The following LRRN2 variants were observed in gnomAD, a reference collection of about 807,000 sequenced individuals.
The protein encoded by LRRN2 is leucine-rich repeat neuronal protein 2.
A neutral mutation model predicts 35.7 loss-of-function variants in LRRN2; 10 were observed. The observed-to-expected ratio is 0.28, with a 90% CI of 0.17 to 0.47. LRRN2 has a LOEUF of 0.47. Among genes scored for constraint, LRRN2 ranks in the 20% least tolerant of loss-of-function variants. The pLI is 0.99. For missense variants in LRRN2, 731 were observed against 940.3 expected, an observed-to-expected ratio of 0.78 and a Z score of 2.91; for synonymous variants, 391 against 409.6, an observed-to-expected ratio of 0.95 and a Z score of 0.55.
At chr1:204,677,334 G>GC (rs1237993936) in intron 1 of LRRN2, among the ~76,000 whole-genome samples, 9 of 152,076 alleles carry the variant, frequency 5.9e-5, no homozygotes, top group Admixed American at 3.9e-4. Context: ...GGAGAGCATC[G>GC]CCCCCCATGT....
At chr1:204,667,940 G>C (rs1019820862) in intron 1 of LRRN2, among the ~76,000 whole-genome samples, 1 of 152,136 alleles carries the variant, frequency 6.6e-6, no homozygotes, top group Admixed American at 6.5e-5. Context: ...TCAAGAGCTC[G>C]CACGTTATCC....
intron 1 of LRRN2, among the ~76,000 whole-genome samples, chr1:204,676,425 G>A (rs1233007502): frequency 2.6e-5 from 4 of 152,130 alleles, no homozygotes; most frequent in South Asian, 4.2e-4. Context: ...ATCAACTCTC[G>A]CCTCTGCAGG....
At chr1:204,659,473 G>T (rs1411109) in intron 1 of LRRN2, among the ~76,000 whole-genome samples, 115,021 of 152,006 alleles carry the variant, frequency 0.76, 47,205 homozygotes, top group Non-Finnish European at 0.91. Context: ...GGGTAAGCCT[G>T]TTTGGCCCAC....
intron 1 of LRRN2, among the ~76,000 whole-genome samples, chr1:204,663,041 T>C (rs979434443): frequency 1.3e-5 from 2 of 152,194 alleles, no homozygotes; most frequent in Non-Finnish European, 2.9e-5. Flanking sequence ...ATAGTTCATT[T>C]CCAGGGGGCT....
In LRRN2 at chr1:204,617,594, C is replaced by G; in HGVS notation, c.*257G>C. The G allele has an allele frequency of 4.1e-6, 2 of 493,138 alleles. No individual in the cohort carries two copies. The highest frequency in any genetic ancestry group is 7.3e-6 in the Non-Finnish European group (2 of 275,092). The allele number at this position is 493,138 out of a possible 1,614,324, so 30.5% of individuals were successfully genotyped here. On this transcript the variant is annotated 3_prime_UTR_variant, in exon 2 of 2. Coordinates refer to ENST00000367177, the MANE Select transcript of LRRN2 (RefSeq NM_201630.2). ...AGAGAAGATGGGGAGGCAGGAGGCTCTAGCCAAAGTCCCTCCTGTTCCTTG... is the reference window on the plus strand; with the variant it reads ...AGAGAAGATGGGGAGGCAGGAGGCTGTAGCCAAAGTCCCTCCTGTTCCTTG...
At chr1:204,667,415 A>G (rs1459229955) in intron 1 of LRRN2, among the ~76,000 whole-genome samples, 1 of 152,206 alleles carries the variant, frequency 6.6e-6, no homozygotes. Flanking sequence ...AGGGTGCAAA[A>G]CATACATCAT....
chr1:204,633,388 A>G (rs1170892844), intron 1 of LRRN2: 1 of 152,256 alleles, frequency 6.6e-6, no homozygotes, highest in African/African-American at 2.4e-5. Context: ...TTTAGTGGAA[A>G]GAAGATAAGT....
At chr1:204,681,681 G>C (rs72753894) in intron 1 of LRRN2, among the ~76,000 whole-genome samples, 28 of 152,298 alleles carry the variant, frequency 1.8e-4, no homozygotes, top group Non-Finnish European at 3.2e-4. Flanking sequence ...GAAAAGATGG[G>C]TTGACTGAAT....
rs1272332365 is a variant in LRRN2, at chr1:204,619,222, C to T, written c.771G>A (p.Leu257=). The T allele has an allele frequency of 6.2e-7, 1 of 1,613,980 alleles. No individual in the cohort carries two copies. Among genetic ancestry groups the T allele is most frequent in the Non-Finnish European group, 8.5e-7 (1 of 1,180,042 alleles). ...NQLARVPRRA[L]EQVPGLKFLD... ...GGAACTTGAGCCCGGGCACCTGTTCCAGTGCCCGCCTGGGCACCCGGGCCA... is the reference window on the plus strand; with the variant it reads ...GGAACTTGAGCCCGGGCACCTGTTCTAGTGCCCGCCTGGGCACCCGGGCCA... Residue 257 remains leucine, a synonymous_variant, in exon 2 of 2, where the codon CTG becomes CTA. Transcript: ENST00000367177.
intron 1 of LRRN2, among the ~76,000 whole-genome samples, chr1:204,683,430 G>C (rs1668996410): frequency 6.6e-6 from 1 of 151,940 alleles, no homozygotes; most frequent in Non-Finnish European, 1.5e-5. Context: ...AGTGTTAGAG[G>C]AGGAAAGTGA....
intron 1 of LRRN2, among the ~76,000 whole-genome samples, chr1:204,663,157 A>C (rs184016791): frequency 6.6e-6 from 1 of 152,302 alleles, no homozygotes; most frequent in African/African-American, 2.4e-5. Context: ...AGGAAGCATC[A>C]ACTGATACTG....
rs1467473619 is a variant in LRRN2 at position 204,618,281 on chromosome 1, G to C, written c.1712C>G (p.Ala571Gly). ...ASSLRGQGATALARLPRGTHS... is the reference protein window; with the variant it reads ...ASSLRGQGATGLARLPRGTHS... ...GGTTCCCCGAGGCAGGCGGGCCAGA[G>C]CTGTGGCCCCCTGGCCCCGGAGGGA... The change falls in exon 2 of 2, where the codon GCT becomes GGT. Residue 571 changes from alanine (A) to glycine (G), a missense_variant. Coordinates refer to ENST00000367177, the MANE Select transcript of LRRN2 (RefSeq NM_201630.2). 3.1e-6 allele frequency: 5 copies of C among 1,605,414 alleles called. No individual in the cohort carries two copies. Among genetic ancestry groups the C allele is most frequent in the Non-Finnish European group, 8.5e-7 (1 of 1,175,250 alleles).
intron 1 of LRRN2, among the ~76,000 whole-genome samples, chr1:204,645,162 A>G (rs1196944552): frequency 6.6e-6 from 1 of 152,262 alleles, no homozygotes; most frequent in Non-Finnish European, 1.5e-5. Context: ...TGTGACTGGT[A>G]TACTTAAATC....
At chr1:204,650,681 A>G (rs547121727) in intron 1 of LRRN2, among the ~76,000 whole-genome samples, 4 of 152,152 alleles carry the variant, frequency 2.6e-5, no homozygotes, top group Non-Finnish European at 5.9e-5. Context: ...TCTGCATCCA[A>G]AAGTCCCTGT....
chr1:204,631,262 ATATATATATATATATATATATATATATAT>A (rs1271640970), intron 1 of LRRN2, among the ~76,000 whole-genome samples: 8 of 37,900 alleles, frequency 2.1e-4, no homozygotes, highest in African/African-American at 5.4e-4. Context: ...TGTTCTATAT[ATATATATATATATATATATATATATATAT>A]ATATATATAT....
At chr1:204,655,287 GTTTTGT>G (rs1284570458) in intron 1 of LRRN2, among the ~76,000 whole-genome samples, 2 of 151,278 alleles carry the variant, frequency 1.3e-5, no homozygotes, top group East Asian at 2.0e-4. Context: ...CATTTGGTGG[GTTTTGT>G]TTTTGTTTTC....
intron 1 of LRRN2, among the ~76,000 whole-genome samples, chr1:204,659,804 T>G (rs961628394): frequency 6.6e-6 from 1 of 152,176 alleles, no homozygotes; most frequent in African/African-American, 2.4e-5. Flanking sequence ...TTACTAAAAC[T>G]GTATTTAGCT....
intron 1 of LRRN2, among the ~76,000 whole-genome samples, chr1:204,647,682 C>T (rs1458349806): frequency 9.2e-5 from 14 of 152,218 alleles, no homozygotes; most frequent in African/African-American, 1.7e-4. Flanking sequence ...CCCAGATGGA[C>T]GGCTCTGATT....
At chr1:204,648,374 G>A (rs1408930347) in intron 1 of LRRN2, among the ~76,000 whole-genome samples, 2 of 152,198 alleles carry the variant, frequency 1.3e-5, no homozygotes, top group Non-Finnish European at 2.9e-5. Flanking sequence ...GTTGGAAGAA[G>A]CCTGAAAGAG....
Sources: allele counts gnomAD v4.1 joint callset (sites outside exome capture counted in the v4.1 genomes callset), GRCh38; gene constraint gnomAD v4.1.1; transcripts MANE v1.5; gene names NCBI Gene and HGNC (gene_info 2026-07-23, HGNC 2026-07-21).